SFXN5: variants seen among roughly 807,000 people sequenced by gnomAD.
SFXN5 encodes the protein sideroflexin 5.
In SFXN5, 43 loss-of-function variants were observed where a neutral mutation model predicts 50.2. The ratio of observed to expected loss-of-function variants is 0.86; its 90% CI spans 0.67 to 1.11. The LOEUF (loss-of-function observed/expected upper bound fraction) is 1.11. Ranked by LOEUF, SFXN5 falls within the 50% of genes least tolerant of loss-of-function variation. The probability of loss-of-function intolerance (pLI) is 0.00; values close to 1 mark genes in which losing one functional copy is unlikely to be tolerated. For synonymous variants in SFXN5, 203 were observed against 185.8 expected (o/e 1.09, Z -0.75); for missense variants, 463 against 454.1 (o/e 1.02, Z -0.18).
intron 2 of SFXN5, among the ~76,000 whole-genome samples, chr2:73,055,482 G>A (rs767735091): frequency 1.1e-4 from 16 of 152,140 alleles, no homozygotes; most frequent in Non-Finnish European, 5.9e-5. Flanking sequence ...CTTACAAATT[G>A]CCTTGTTCAT....
intron 1 of SFXN5, chr2:73,070,428 C>CAAAAAAAGAA (rs1386887110): frequency 1.3e-5 from 2 of 151,068 alleles, no homozygotes; most frequent in Non-Finnish European, 3.0e-5. Flanking sequence ...ACCACAACAA[C>CAAAAAAAGAA]AAAAAAAGAA....
chr2:73,071,562 C>G, intron 1 of SFXN5, 42 bp downstream of exon 1: 1 of 1,588,708 alleles, frequency 6.3e-7, no homozygotes, highest in East Asian at 2.3e-5. Context: ...CTCGTCCTCT[C>G]TTTGCCACCC....
At chr2:72,957,997 C>T (rs1362625170) in intron 13 of SFXN5, among the ~76,000 whole-genome samples, 1 of 152,214 alleles carries the variant, frequency 6.6e-6, no homozygotes, top group East Asian at 1.9e-4. Context: ...GAACTAACTC[C>T]CATGTCTATT....
intron 5 of SFXN5, 93 bp from the exon 6 acceptor site, chr2:73,020,357 G>C: frequency 7.6e-7 from 1 of 1,322,084 alleles, no homozygotes; most frequent in Non-Finnish European, 1.1e-6. Flanking sequence ...TAGGCTATCA[G>C]TGGCCCTGAT....
chr2:72,990,383 C>A (rs748475747), intron 9 of SFXN5, among the ~76,000 whole-genome samples: 1 of 152,092 alleles, frequency 6.6e-6, no homozygotes, highest in Non-Finnish European at 1.5e-5. Context: ...CTGCTGCCCC[C>A]GCCACATGAA....
intron 10 of SFXN5, among the ~76,000 whole-genome samples, chr2:72,980,439 C>T (rs536596831): frequency 4.6e-5 from 7 of 152,334 alleles, no homozygotes; most frequent in Admixed American, 2.6e-4. Flanking sequence ...AATAAGGATG[C>T]ATGCCCTCAT....
intron 12 of SFXN5, among the ~76,000 whole-genome samples, chr2:72,966,952 C>T (rs1379052954): frequency 6.6e-6 from 1 of 152,180 alleles, no homozygotes; most frequent in African/African-American, 2.4e-5. Context: ...TTCCCATTTC[C>T]ACACAGGGCA....
intron 13 of SFXN5, among the ~76,000 whole-genome samples, chr2:72,951,273 C>G (rs896318947): frequency 6.6e-6 from 1 of 152,134 alleles, no homozygotes; most frequent in Non-Finnish European, 1.5e-5. Flanking sequence ...TATCAGAGTG[C>G]CACCCCATCT....
intron 12 of SFXN5, among the ~76,000 whole-genome samples, chr2:72,963,451 A>C (rs1403387821): frequency 6.6e-6 from 1 of 151,770 alleles, no homozygotes; most frequent in Admixed American, 6.6e-5. Context: ...CCAGCTCAGG[A>C]AGGAGTCAGG....
intron 6 of SFXN5, among the ~76,000 whole-genome samples, chr2:73,012,948 T>C (rs1254638763): frequency 4.6e-5 from 7 of 152,052 alleles, no homozygotes; most frequent in Non-Finnish European, 7.4e-5. Context: ...CTATAAAATA[T>C]GACAGATGAA....
intron 13 of SFXN5, among the ~76,000 whole-genome samples, chr2:72,958,554 C>T (rs889294816): frequency 5.3e-5 from 8 of 152,206 alleles, no homozygotes; most frequent in Non-Finnish European, 7.3e-5. Context: ...GTTATGACAG[C>T]TACTAGAAGC....
chr2:72,946,678 A>G (rs1177983357), intron 13 of SFXN5, among the ~76,000 whole-genome samples: 1 of 151,750 alleles, frequency 6.6e-6, no homozygotes, highest in Non-Finnish European at 1.5e-5. Context: ...CTCGGGAATG[A>G]CGCCGCCATC....
intron 11 of SFXN5, among the ~76,000 whole-genome samples, chr2:72,970,860 G>C (rs937586692): frequency 6.6e-6 from 1 of 152,042 alleles, no homozygotes; most frequent in African/African-American, 2.4e-5. Context: ...GCTAATTTTT[G>C]CATTTTTAGT....
At chr2:72,965,912 T>C (rs942617834) in intron 12 of SFXN5, among the ~76,000 whole-genome samples, 1 of 152,174 alleles carries the variant, frequency 6.6e-6, no homozygotes, top group Non-Finnish European at 1.5e-5. Context: ...CTTGTAGTTC[T>C]CAGGATAGCT....
chr2:73,005,808 C>T (rs994812811), intron 6 of SFXN5, among the ~76,000 whole-genome samples: 2 of 152,148 alleles, frequency 1.3e-5, no homozygotes, highest in Non-Finnish European at 2.9e-5. Context: ...TGGGCCCACA[C>T]CCCAGGGTGG....
Position 72,945,009 on chromosome 2 carries a change from C to T in SFXN5, c.*13G>A. 2 of 1,612,544 alleles carry T rather than the reference C, an allele frequency of 1.2e-6. No homozygotes were observed. Among genetic ancestry groups the T allele is most frequent in the Non-Finnish European group, 1.7e-6 (2 of 1,179,156 alleles). On this transcript the variant is annotated 3_prime_UTR_variant, in exon 14 of 14. Transcript: ENST00000272433. The surrounding 1 kb of genome is among the most constrained non-coding windows in gnomAD (Gnocchi z 5.8). ...GGCTGCACAGTGCTCCGTCCCCAGG[C>T]CGCTGACCACACTCACAACCCCTTG...
At chr2:73,041,006 A>G (rs984588355) in intron 2 of SFXN5, 75 bp from the exon 3 acceptor site, 25 of 1,268,676 alleles carry the variant, frequency 2.0e-5, no homozygotes, top group Non-Finnish European at 2.8e-5. Flanking sequence ...GTGGGATTAC[A>G]TCAGTATCAA....
intron 10 of SFXN5, among the ~76,000 whole-genome samples, chr2:72,982,742 T>G (rs1017678436): frequency 3.3e-5 from 5 of 152,030 alleles, no homozygotes; most frequent in Non-Finnish European, 5.9e-5. Flanking sequence ...GGCCTGGTAG[T>G]CGAGGGAGGG....
intron 3 of SFXN5, among the ~76,000 whole-genome samples, chr2:73,037,355 C>T (rs1312745317): frequency 6.6e-6 from 1 of 152,196 alleles, no homozygotes; most frequent in African/African-American, 2.4e-5. Flanking sequence ...CTCTATCCCC[C>T]AGGCCCTACC....
Sources: gnomAD v4.1 joint callset for allele counts (sites outside exome capture counted in the v4.1 genomes callset) on GRCh38, gnomAD v4.1.1 for gene constraint, Gnocchi (gnomAD v3.1) non-coding constraint, MANE v1.5 for transcripts, NCBI Gene and HGNC (gene_info 2026-07-23, HGNC 2026-07-21) for gene names.